GPC5: variants seen among roughly 807,000 people sequenced by gnomAD.
GPC5 encodes the protein glypican 5.
In GPC5, 47 loss-of-function variants were observed where a neutral mutation model predicts 53.9. The observed-to-expected ratio is 0.87, with a 90% CI of 0.69 to 1.11. GPC5 has a LOEUF of 1.11. GPC5 is among the 50% of genes most tolerant of loss of function. GPC5 has a pLI of 0.00. For missense variants in GPC5, 748 were observed against 713.1 expected (o/e 1.05, Z -0.56); for synonymous variants, 286 against 263.3 (o/e 1.09, Z -0.84).
intron 7 of GPC5, among the ~76,000 whole-genome samples, chr13:92,773,788 CT>C (rs1186329453): frequency 6.6e-6 from 1 of 152,046 alleles, no homozygotes; most frequent in Non-Finnish European, 1.5e-5. Context: ...ATTCCTAAAG[CT>C]TTTGTATTAG....
At chr13:92,084,338 G>C (rs1317076776) in intron 6 of GPC5, among the ~76,000 whole-genome samples, 1 of 152,040 alleles carries the variant, frequency 6.6e-6, no homozygotes, top group African/African-American at 2.4e-5. Context: ...GCTATATCAC[G>C]TGGGTCACAT....
intron 6 of GPC5, among the ~76,000 whole-genome samples, chr13:91,942,372 C>T (rs893495944): frequency 6.6e-6 from 1 of 151,948 alleles, no homozygotes; most frequent in Non-Finnish European, 1.5e-5. Flanking sequence ...GCATACAGTC[C>T]ATCAAGTCTC....
intron 3 of GPC5, among the ~76,000 whole-genome samples, chr13:91,705,699 C>T (rs1177517310): frequency 6.7e-6 from 1 of 149,290 alleles, no homozygotes. Flanking sequence ...AAACACCCCC[C>T]CCCCCATATT....
chr13:92,421,999 C>G (rs1433856807), intron 7 of GPC5, among the ~76,000 whole-genome samples: 1 of 151,352 alleles, frequency 6.6e-6, no homozygotes, highest in Non-Finnish European at 1.5e-5. Context: ...ACTCTACTAA[C>G]CCGGAACTCC....
At chr13:92,051,952 T>A (rs1404777998) in intron 6 of GPC5, among the ~76,000 whole-genome samples, 1 of 152,186 alleles carries the variant, frequency 6.6e-6, no homozygotes, top group Non-Finnish European at 1.5e-5. Flanking sequence ...GCTTTTATAG[T>A]TCCAAACCTA....
At chr13:92,235,580 C>A (rs985335058) in intron 7 of GPC5, among the ~76,000 whole-genome samples, 5 of 151,906 alleles carry the variant, frequency 3.3e-5, no homozygotes, top group Admixed American at 3.3e-4. Flanking sequence ...AGAAGTGGCC[C>A]AAATCTTTAT....
At chr13:91,932,191 C>T (rs1464734227) in intron 6 of GPC5, among the ~76,000 whole-genome samples, 1 of 151,960 alleles carries the variant, frequency 6.6e-6, no homozygotes, top group African/African-American at 2.4e-5. Context: ...ACTGGAATGC[C>T]AAAATATTGT....
chr13:92,842,903 A>C (rs1284447951), intron 7 of GPC5, among the ~76,000 whole-genome samples: 1 of 152,200 alleles, frequency 6.6e-6, no homozygotes, highest in East Asian at 1.9e-4. Context: ...TGATTTTACC[A>C]TTTAGATGGT....
intron 7 of GPC5, among the ~76,000 whole-genome samples, chr13:92,428,161 C>T (rs1206944668): frequency 1.3e-5 from 2 of 152,082 alleles, no homozygotes; most frequent in African/African-American, 2.4e-5. Context: ...TTCTTCATTC[C>T]TGGCCCCCAA....
At chr13:92,055,554 A>G (rs373296529) in intron 6 of GPC5, among the ~76,000 whole-genome samples, 12 of 152,172 alleles carry the variant, frequency 7.9e-5, no homozygotes, top group African/African-American at 2.7e-4. Flanking sequence ...AGTCCTTGAG[A>G]TCTCAAAAGT....
At chr13:92,285,804 G>T (rs1342614210) in intron 7 of GPC5, among the ~76,000 whole-genome samples, 1 of 152,070 alleles carries the variant, frequency 6.6e-6, no homozygotes, top group East Asian at 1.9e-4. Flanking sequence ...GAAAACCTAG[G>T]CAACACCATT....
At chr13:91,993,469 G>T (rs2138739179) in intron 6 of GPC5, among the ~76,000 whole-genome samples, 1 of 151,642 alleles carries the variant, frequency 6.6e-6, no homozygotes. Context: ...TAAAAATTTT[G>T]TATGAGCTCA....
chr13:91,648,311 T>C (rs1308185523), intron 2 of GPC5, among the ~76,000 whole-genome samples: 1 of 152,186 alleles, frequency 6.6e-6, no homozygotes, highest in Non-Finnish European at 1.5e-5. Context: ...ACTGTTTATC[T>C]TTCCATGAAA....
chr13:91,961,856 A>T (rs1284374185), intron 6 of GPC5, among the ~76,000 whole-genome samples: 1 of 152,092 alleles, frequency 6.6e-6, no homozygotes, highest in Non-Finnish European at 1.5e-5. Context: ...GTGATTGATG[A>T]GGAGGGAGAC....
chr13:91,626,517 A>G (rs1001335220), intron 2 of GPC5, among the ~76,000 whole-genome samples: 9 of 152,140 alleles, frequency 5.9e-5, no homozygotes, highest in African/African-American at 1.9e-4. Context: ...GCACGCAGGA[A>G]GATATATTAT....
At chr13:92,660,045 G>A (rs1265421274) in intron 7 of GPC5, among the ~76,000 whole-genome samples, 1 of 152,128 alleles carries the variant, frequency 6.6e-6, no homozygotes, top group African/African-American at 2.4e-5. Context: ...TTGTTCCATT[G>A]AAGGAATACT....
chr13:92,849,237 A>G (rs1176529900), intron 7 of GPC5, among the ~76,000 whole-genome samples: 1 of 152,098 alleles, frequency 6.6e-6, no homozygotes, highest in Non-Finnish European at 1.5e-5. Flanking sequence ...TCTTCTTCTT[A>G]GAAATGATAG....
intron 7 of GPC5, among the ~76,000 whole-genome samples, chr13:92,800,333 C>A (rs1876853953): frequency 6.6e-6 from 1 of 151,826 alleles, no homozygotes; most frequent in Non-Finnish European, 1.5e-5. Flanking sequence ...CTATGAAGGT[C>A]ATTTTACAAG....
chr13:92,004,050 G>T lies in GPC5; in HGVS notation c.1401+95993G>T, dbSNP rs2040581076. Among the ~76,000 whole-genome samples the T allele has an allele frequency of 2.0e-5, 3 of 152,128 alleles. No individual in the cohort carries two copies. In the South Asian group the frequency reaches 6.2e-4, roughly 32 times the overall value. On this transcript the variant is annotated intron_variant, in intron 6 of 7. Transcript: ENST00000377067. ...AACAAGAAACTTGATAGAAAATTTA[G>T]CTGAAGCTATTTTTCCTATAGAATA... is the stretch of plus-strand genomic sequence containing the variant.
Sources: gnomAD v4.1 joint callset for allele counts (sites outside exome capture counted in the v4.1 genomes callset) on GRCh38, gnomAD v4.1.1 for gene constraint, MANE v1.5 for transcripts, NCBI Gene and HGNC (gene_info 2026-07-23, HGNC 2026-07-21) for gene names.